The following C19orf44 variants were observed in gnomAD, a reference collection of about 807,000 sequenced individuals.
C19orf44 encodes chromosome 19 open reading frame 44, also known as uncharacterized protein C19orf44.
A neutral mutation model predicts 50.7 loss-of-function variants in C19orf44; 43 were observed. The observed-to-expected ratio is 0.85, with a 90% CI of 0.66 to 1.09. C19orf44 has a LOEUF of 1.09. Ranked by LOEUF, C19orf44 falls within the 50% of genes least tolerant of loss-of-function variation. C19orf44 has a pLI of 0.00. For missense variants in C19orf44, 722 were observed against 836.2 expected (o/e 0.86, Z 1.68); for synonymous variants, 298 against 334.7 (o/e 0.89, Z 1.20).
Position 16,509,569 on chromosome 19 carries a change from C to A in C19orf44, c.1220C>A (p.Ala407Asp). The A allele has an allele frequency of 6.2e-7, 1 of 1,611,848 alleles. No individual in the cohort carries two copies. The highest frequency in any genetic ancestry group is 2.2e-5 in the East Asian group (1 of 44,814). Residue 407 changes from alanine (A) to aspartate (D), a missense_variant, in exon 5 of 9, where the codon GCC becomes GAC. Transcript: ENST00000221671. ...FRAEASTGQD[A>D]PRQAQARSWA... ...GCCGAGGCGTCCACTGGGCAGGATGCCCCGAGGCAGGCCCAGGCGAGGAGC... is the reference window on the plus strand; with the variant it reads ...GCCGAGGCGTCCACTGGGCAGGATGACCCGAGGCAGGCCCAGGCGAGGAGC...
intron 3 of C19orf44, among the ~76,000 whole-genome samples, chr19:16,503,651 A>G (rs1057211502): frequency 3.3e-5 from 5 of 151,986 alleles, no homozygotes; most frequent in Admixed American, 2.6e-4. Context: ...TACAGCCTCA[A>G]CCTCCCAGGC....
At chr19:16,512,862 CAAAAAA>C in intron 5 of C19orf44, 146 bp from the exon 6 acceptor site, 11 of 499,172 alleles carry the variant, frequency 2.2e-5, no homozygotes, top group Admixed American at 8.3e-5. Context: ...TGTCTCAAAC[CAAAAAA>C]AAAAAAAAAA....
intron 7 of C19orf44, among the ~76,000 whole-genome samples, 160 bp from the exon 8 acceptor site, chr19:16,517,070 C>T (rs975772692): frequency 3.9e-5 from 6 of 152,332 alleles, no homozygotes; most frequent in South Asian, 2.1e-4. Flanking sequence ...CCCACAGCCC[C>T]GTGCGCCAAC....
In C19orf44 at chr19:16,520,677, C is replaced by T; in HGVS notation, c.*624C>T. The T allele has an allele frequency of 8.9e-7, 1 of 1,125,076 alleles. No individual in the cohort carries two copies. The highest frequency in any genetic ancestry group is 1.3e-6 in the Non-Finnish European group (1 of 763,508). The allele number at this position is 1,125,076 out of a possible 1,614,324, so 69.7% of individuals were successfully genotyped here. A position where few individuals can be genotyped will look rare whatever the true frequency, so the allele number is the denominator to read the frequency against. ...CTAAATAGTGTGGCCGAGCCTGCTG[C>T]TGTGTGAATTCAGGCCTTGTGGAAA... is the stretch of plus-strand genomic sequence containing the variant. On this transcript the variant is annotated 3_prime_UTR_variant, in exon 9 of 9. Transcript: ENST00000221671. This position sits in a 1 kb window ranked among gnomAD's most constrained non-coding sequence, Gnocchi z 4.0.
At position 16,520,933 on chromosome 19, in the gene C19orf44, TGTG is replaced by T; in HGVS notation, c.*881_*883del. 6.2e-7 allele frequency: 1 copy of T among 1,607,296 alleles called. No homozygotes were observed. Among genetic ancestry groups the T allele is most frequent in the South Asian group, 1.1e-5 (1 of 90,970 alleles). ...CTTCACTGTAAGACACGGCATTCCG[TGTG>T]TGACCACGTGACACCCACCCACAAG... On this transcript the variant is annotated 3_prime_UTR_variant, in exon 9 of 9. Transcript: ENST00000221671. This position sits in a 1 kb window ranked among gnomAD's most constrained non-coding sequence, Gnocchi z 4.0.
At chr19:16,512,815 T>C (rs894953619) in intron 5 of C19orf44, among the ~76,000 whole-genome samples, 199 bp from the exon 6 acceptor site, 3 of 144,630 alleles carry the variant, frequency 2.1e-5, no homozygotes, top group Non-Finnish European at 4.5e-5. Context: ...GCTGTGATCA[T>C]GCCGTGCACT....
intron 1 of C19orf44, among the ~76,000 whole-genome samples, chr19:16,497,734 A>C (rs4808049): frequency 0.84 from 128,239 of 152,166 alleles, 54,189 homozygotes; most frequent in South Asian, 0.89. Context: ...GAACTGTATT[A>C]CACTGTATGG....
chr19:16,502,223 TTTTC>T (rs915558780), intron 2 of C19orf44, among the ~76,000 whole-genome samples: 14 of 149,260 alleles, frequency 9.4e-5, no homozygotes, highest in African/African-American at 3.3e-4. Context: ...TTGTGGAATA[TTTTC>T]TTTCTTTCCT....
chr19:16,497,134 G>A (rs930296298), intron 1 of C19orf44, among the ~76,000 whole-genome samples: 2 of 151,966 alleles, frequency 1.3e-5, no homozygotes, highest in African/African-American at 2.4e-5. Context: ...TTTTAGTAGA[G>A]ATGGGGTTTC....
rs1476270008 is a variant in C19orf44 at position 16,521,142 on chromosome 19, A to C, written c.*1089A>C. On this transcript the variant is annotated 3_prime_UTR_variant, in exon 9 of 9. Transcript: ENST00000221671. ...CCCTTGCCACCCTGCTGTTCCGCTG[A>C]GGTGGTGGGGACCCATGGTCTGTGG... 1 of 596,854 alleles carries C rather than the reference A, an allele frequency of 1.7e-6. No homozygotes were observed. The highest frequency in any genetic ancestry group is 2.9e-5 in the Admixed American group (1 of 34,970). The allele number at this position is 596,854 out of a possible 1,614,324, so 37.0% of individuals were successfully genotyped here.
In C19orf44 at chr19:16,520,509, T is replaced by TG. The variant is rs1342160812; in HGVS notation, c.*457dup. On this transcript the variant is annotated 3_prime_UTR_variant, in exon 9 of 9. Transcript: ENST00000221671. This position sits in a 1 kb window ranked among gnomAD's most constrained non-coding sequence, Gnocchi z 4.0. ...CTGCTCCGAGACCTCGAGGGTCCGC[T>TG]GTGGGGAGAGGCCTGATGATCAGGT... 5 of 1,611,608 alleles carry TG rather than the reference T, an allele frequency of 3.1e-6. No individual in the cohort carries two copies. In the South Asian group the frequency reaches 5.5e-5, roughly 18 times the overall value.
At chr19:16,514,430 G>GT in intron 6 of C19orf44, 67 bp from the exon 7 acceptor site, 1 of 1,432,746 alleles carries the variant, frequency 7.0e-7, no homozygotes, top group South Asian at 1.3e-5. Flanking sequence ...CACCTGAGCG[G>GT]TGGGGGGGGG....
intron 4 of C19orf44, among the ~76,000 whole-genome samples, chr19:16,509,152 G>A (rs2093448995): frequency 6.6e-6 from 1 of 151,054 alleles, no homozygotes; most frequent in African/African-American, 2.4e-5. Flanking sequence ...TCTTATAGAG[G>A]TAGGGTCTTG....
chr19:16,520,706 C>G lies in C19orf44; in HGVS notation c.*653C>G. The G allele has an allele frequency of 8.3e-7, 1 of 1,198,352 alleles. No homozygotes were observed. The highest frequency in any genetic ancestry group is 1.2e-6 in the Non-Finnish European group (1 of 819,160). 74.2% of individuals were successfully genotyped at this position (1,198,352 alleles called of 1,614,324 possible). ...GTGAATTCAGGCCTTGTGGAAAACACCGCCCCATAGGCACAGGCTGTGTGA... is the reference window on the plus strand; with the variant it reads ...GTGAATTCAGGCCTTGTGGAAAACAGCGCCCCATAGGCACAGGCTGTGTGA... On this transcript the variant is annotated 3_prime_UTR_variant, in exon 9 of 9. Coordinates refer to ENST00000221671, the MANE Select transcript of C19orf44 (RefSeq NM_032207.4). The surrounding 1 kb of genome is among the most constrained non-coding windows in gnomAD (Gnocchi z 4.0).
At position 16,509,620 on chromosome 19, in the gene C19orf44, C is replaced by T; in HGVS notation, c.1271C>T (p.Ser424Phe). The T allele has an allele frequency of 6.2e-7, 1 of 1,614,244 alleles. No individual in the cohort carries two copies. Among genetic ancestry groups the T allele is most frequent in the Middle Eastern group, 1.6e-4 (1 of 6,062 alleles). The change falls in exon 5 of 9, where the codon TCT becomes TTT. Residue 424 changes from serine to phenylalanine, a missense_variant. Transcript: ENST00000221671. ...RSWASQGKAA[S>F]AEGDESEVSE... is the part of the protein sequence containing the mutation. ...TGGGCATCACAGGGAAAGGCCGCCT[C>T]TGCAGAGGGGGATGAGAGCGAGGTC...
At position 16,509,607 on chromosome 19, in the gene C19orf44, G is replaced by A. The variant is rs1261176415; in HGVS notation, c.1258G>A (p.Gly420Arg). The A allele has an allele frequency of 6.2e-7, 1 of 1,614,212 alleles. No homozygotes were observed. The change falls in exon 5 of 9, where the codon GGA becomes AGA. Residue 420 changes from glycine to arginine, a missense_variant. Coordinates refer to ENST00000221671, the MANE Select transcript of C19orf44 (RefSeq NM_032207.4). Reference sequence around the variant, plus strand: ...CCAGGCGAGGAGCTGGGCATCACAGGGAAAGGCCGCCTCTGCAGAGGGGGA... The same window carrying A: ...CCAGGCGAGGAGCTGGGCATCACAGAGAAAGGCCGCCTCTGCAGAGGGGGA... ...QAQARSWASQ[G>R]KAASAEGDES...
chr19:16,521,068 T>A lies in C19orf44; in HGVS notation c.*1015T>A, dbSNP rs2122243349. On this transcript the variant is annotated 3_prime_UTR_variant, in exon 9 of 9. Coordinates refer to ENST00000221671, the MANE Select transcript of C19orf44 (RefSeq NM_032207.4). ...GGCGCAGTAGAGCTTGGTTCAGTGT[T>A]CCCACAGGGCTGTCCTCCTGCAGCC... 1 of 680,106 alleles carries A rather than the reference T, an allele frequency of 1.5e-6. No individual in the cohort carries two copies. Among genetic ancestry groups the A allele is most frequent in the African/African-American group, 1.8e-5 (1 of 56,922 alleles). The allele number at this position is 680,106 out of a possible 1,614,324, so 42.1% of individuals were successfully genotyped here. A position where few individuals can be genotyped will look rare whatever the true frequency, so the allele number is the denominator to read the frequency against.
chr19:16,512,704 CA>C (rs928814709), intron 5 of C19orf44, among the ~76,000 whole-genome samples: 3 of 151,828 alleles, frequency 2.0e-5, no homozygotes, highest in African/African-American at 4.8e-5. Context: ...CCTGTCTCTA[CA>C]AAAAATTTTA....
intron 1 of C19orf44, among the ~76,000 whole-genome samples, chr19:16,497,033 TGAGGCAG>T (rs755406987): frequency 3.3e-5 from 5 of 152,258 alleles, no homozygotes; most frequent in Non-Finnish European, 5.9e-5. Flanking sequence ...CTCAGGATGT[TGAGGCAG>T]GAGGGAGGAT....
Sources: allele counts gnomAD v4.1 joint callset (sites outside exome capture counted in the v4.1 genomes callset), GRCh38; gene constraint gnomAD v4.1.1; non-coding constraint Gnocchi (gnomAD v3.1); transcripts MANE v1.5; gene names NCBI Gene and HGNC (gene_info 2026-07-23, HGNC 2026-07-21).